Variants in XRN2 observed in about 807,000 individuals in gnomAD.
XRN2 encodes the protein 5'-3' exoribonuclease 2.
XRN2 carries 44 observed loss-of-function variants against 138.5 expected under a neutral mutation model. That is an observed-to-expected ratio of 0.32 (90% CI 0.25 to 0.41). The LOEUF (loss-of-function observed/expected upper bound fraction) is 0.41. XRN2 is among the 10% of genes least tolerant of loss of function. XRN2 has a pLI of 1.00. For missense variants in XRN2, 937 were observed against 1,169.3 expected, an observed-to-expected ratio of 0.80 and a Z score of 2.90; for synonymous variants, 354 against 369.4, an observed-to-expected ratio of 0.96 and a Z score of 0.48.
At chr20:21,376,242 C>T (rs2038821651) in intron 27 of XRN2, among the ~76,000 whole-genome samples, 1 of 152,108 alleles carries the variant, frequency 6.6e-6, no homozygotes, top group Non-Finnish European at 1.5e-5. Context: ...GTAGTCTCAG[C>T]TACTCAGGAG....
intron 1 of XRN2, among the ~76,000 whole-genome samples, chr20:21,316,740 A>G (rs989148207): frequency 6.6e-6 from 1 of 152,198 alleles, no homozygotes. Flanking sequence ...TGTCATCTTA[A>G]TGTTGAGTCT....
rs2038407352 is a variant in XRN2, at chr20:21,344,180, A to G, written c.1501A>G (p.Ser501Gly). The G allele has an allele frequency of 1.2e-6, 2 of 1,613,286 alleles. No individual in the cohort carries two copies. Among genetic ancestry groups the G allele is most frequent in the Non-Finnish European group, 8.5e-7 (1 of 1,179,310 alleles). ...GIKRKAEDSD[S>G]EPEPEDNVRL... ...TAAGCGAAAAGCAGAAGACAGTGAC[A>G]GTGAACCTGAGCCAGAGGATAATGT... The change falls in exon 16 of 30, where the codon AGT becomes GGT. Residue 501 changes from serine (S) to glycine (G), a missense_variant. Physicochemically the swap from Ser to Gly is moderately conservative, Grantham distance 56 (BLOSUM62 0). This residue lies in a region of XRN2 where 471 missense variants were observed against 581.2 expected (regional missense o/e 0.81). Transcript: ENST00000377191.
intron 24 of XRN2, among the ~76,000 whole-genome samples, chr20:21,359,364 A>G (rs1336186234): frequency 6.6e-6 from 1 of 151,962 alleles, no homozygotes; most frequent in Non-Finnish European, 1.5e-5. Flanking sequence ...GTGAAACCCT[A>G]TCTCTACTAA....
At chr20:21,333,862 A>C in intron 11 of XRN2, 25 bp downstream of exon 11, 1 of 1,614,140 alleles carries the variant, frequency 6.2e-7, no homozygotes. Flanking sequence ...GTAGCTTTTC[A>C]AACGACTGTT....
In XRN2 at chr20:21,337,058, G is replaced by A. The variant is rs183546862; in HGVS notation, c.1234-1986G>A. ...GATGAACTCAGAAAGAAGACGGAGG[G>A]CCCAGTCTGGTAGGACCCAACAGGT... is the stretch of plus-strand genomic sequence containing the variant. On this transcript the variant is annotated intron_variant, in intron 13 of 29. Coordinates refer to ENST00000377191, the MANE Select transcript of XRN2 (RefSeq NM_012255.5). 5.9e-5 allele frequency among the ~76,000 whole-genome samples: 9 copies of A among 152,312 alleles called. No homozygotes were observed. In the East Asian group the frequency reaches 1.7e-3, roughly 29 times the overall value.
chr20:21,311,237 G>T (rs918235923), intron 1 of XRN2, among the ~76,000 whole-genome samples: 1 of 152,142 alleles, frequency 6.6e-6, no homozygotes, highest in African/African-American at 2.4e-5. Flanking sequence ...AAACAGAAAC[G>T]CTACCTGTTA....
chr20:21,340,345 A>G (rs551558605), intron 14 of XRN2, among the ~76,000 whole-genome samples: 1 of 152,108 alleles, frequency 6.6e-6, no homozygotes, highest in Non-Finnish European at 1.5e-5. Context: ...TATAACTCAA[A>G]CTCAACTTTT....
intron 14 of XRN2, among the ~76,000 whole-genome samples, 177 bp downstream of exon 14, chr20:21,339,265 C>G (rs529784375): frequency 1.3e-5 from 2 of 152,256 alleles, no homozygotes; most frequent in Admixed American, 1.3e-4. Context: ...AAAGAAGGTC[C>G]TCTAGGCTCT....
chr20:21,347,515 C>T (rs892892974), intron 17 of XRN2, among the ~76,000 whole-genome samples: 1 of 152,176 alleles, frequency 6.6e-6, no homozygotes, highest in Non-Finnish European at 1.5e-5. Flanking sequence ...CCGTTAAGTA[C>T]TCTGTTTGCG....
At chr20:21,358,711 C>T (rs1188151823) in intron 24 of XRN2, among the ~76,000 whole-genome samples, 2 of 152,112 alleles carry the variant, frequency 1.3e-5, no homozygotes, top group East Asian at 1.9e-4. Context: ...AAGAAAACTA[C>T]TGTGAATTCG....
At chr20:21,374,376 TAGATATTTCATTCCCAATCAGTTTTA>T (rs1426748114) in intron 27 of XRN2, among the ~76,000 whole-genome samples, 1 of 152,202 alleles carries the variant, frequency 6.6e-6, no homozygotes, top group African/African-American at 2.4e-5. Flanking sequence ...GTGATGATGG[TAGATATTTCATTCCCAATCAGTTTTA>T]AGGGGGAGAC....
At chr20:21,356,725 T>A (rs1197771171) in intron 23 of XRN2, 60 bp downstream of exon 23, 20 of 1,391,804 alleles carry the variant, frequency 1.4e-5, no homozygotes, top group Non-Finnish European at 2.0e-5. Context: ...AGGATTTTTT[T>A]CCTTGTTGTC....
Position 21,331,556 on chromosome 20 carries a change from T to A in XRN2, c.577-5T>A, listed in dbSNP as rs764311353. On this transcript the variant is annotated splice_polypyrimidine_tract_variant and splice_region_variant and intron_variant, in intron 6 of 29. Transcript: ENST00000377191. ...AATCTGAAAGTGTTAACAATTTTTT[T>A]ATAGGTTATTTTATCTGATGCTAGT... is the stretch of plus-strand genomic sequence containing the variant. The A allele has an allele frequency of 6.2e-7, 1 of 1,608,316 alleles. No homozygotes were observed. Among genetic ancestry groups the A allele is most frequent in the Admixed American group, 1.7e-5 (1 of 59,206 alleles).
chr20:21,309,746 C>G lies in XRN2; in HGVS notation c.75+6273C>G, dbSNP rs540432047. On this transcript the variant is annotated intron_variant, in intron 1 of 29. Transcript: ENST00000377191. ...AATGTTTTCACTCCTGTTTTTACTT[C>G]TCTTTTGTTTTCTTTTTTCTTCCTG... Among the ~76,000 whole-genome samples the G allele has an allele frequency of 1.1e-4, 17 of 151,580 alleles. 1 individual carries two copies. Among genetic ancestry groups the G allele is most frequent in the African/African-American group, 3.9e-4 (16 of 41,342 alleles).
At chr20:21,327,307 T>C (rs971353973) in intron 3 of XRN2, among the ~76,000 whole-genome samples, 7 of 152,342 alleles carry the variant, frequency 4.6e-5, no homozygotes, top group African/African-American at 1.7e-4. Context: ...GTAGCTCCTT[T>C]TATAAATGAC....
intron 1 of XRN2, among the ~76,000 whole-genome samples, chr20:21,308,489 T>C (rs531210838): frequency 1.3e-5 from 2 of 152,280 alleles, no homozygotes; most frequent in South Asian, 4.2e-4. Context: ...CATATCAGGG[T>C]TCCAGTTGCT....
In XRN2 at chr20:21,333,624, T is replaced by C. The variant is rs781182679; in HGVS notation, c.933+6T>C. On this transcript the variant is annotated splice_donor_region_variant and intron_variant, in intron 10 of 29. Coordinates refer to ENST00000377191, the MANE Select transcript of XRN2 (RefSeq NM_012255.5). ...GGCTTAATGTTCTTCGTGAGGTATGTAGCAATAATCATTGAAATCAGCACT... is the reference window on the plus strand; with the variant it reads ...GGCTTAATGTTCTTCGTGAGGTATGCAGCAATAATCATTGAAATCAGCACT... 5.6e-6 allele frequency: 9 copies of C among 1,613,682 alleles called. No homozygotes were observed. The highest frequency in any genetic ancestry group is 6.8e-6 in the Non-Finnish European group (8 of 1,179,700).
In XRN2 at chr20:21,346,465, T is replaced by G; in HGVS notation, c.1580T>G (p.Val527Gly). Residue 527 changes from valine (V) to glycine (G), a missense_variant, in exon 17 of 30, where the codon GTG becomes GGG. Transcript: ENST00000377191. The stretch of plus-strand genomic sequence containing the variant: ...CGGTACTACAAGAACAAATTTGATG[T>G]GGATGCAGCTGATGAGAAATTCCGT... ...KQRYYKNKFD[V>G]DAADEKFRRK... is the part of the protein sequence containing the mutation. 1 of 1,614,176 alleles carries G rather than the reference T, an allele frequency of 6.2e-7. No homozygotes were observed. Among genetic ancestry groups the G allele is most frequent in the Non-Finnish European group, 8.5e-7 (1 of 1,180,010 alleles).
At chr20:21,325,917 A>G (rs940801365) in intron 1 of XRN2, among the ~76,000 whole-genome samples, 11 of 152,142 alleles carry the variant, frequency 7.2e-5, no homozygotes, top group Non-Finnish European at 1.5e-4. Context: ...TGGGAATGAA[A>G]GGAGATGAAG....
Sources: gnomAD v4.1 joint callset for allele counts (sites outside exome capture counted in the v4.1 genomes callset) on GRCh38, gnomAD v4.1.1 for gene constraint, gnomAD v4.1.1 regional missense constraint, MANE v1.5 for transcripts, NCBI Gene and HGNC (gene_info 2026-07-23, HGNC 2026-07-21) for gene names.